ADGRA1: variants seen among roughly 807,000 people sequenced by gnomAD.
ADGRA1 encodes G-protein coupled receptor 123.
Under a neutral mutation model 21.3 loss-of-function variants are expected in ADGRA1, and 12 were observed. That is an observed-to-expected ratio of 0.56 (90% confidence interval 0.36 to 0.91). The LOEUF is 0.91. ADGRA1 is among the 40% of genes least tolerant of loss of function. ADGRA1 has a pLI of 0.01. For synonymous variants in ADGRA1, 385 were observed against 368.8 expected (o/e 1.04, Z -0.50); for missense variants, 790 against 805.6 (o/e 0.98, Z 0.23).
At chr10:133,124,697 C>A (rs1852341733) in intron 5 of ADGRA1, among the ~76,000 whole-genome samples, 1 of 152,246 alleles carries the variant, frequency 6.6e-6, no homozygotes, top group Non-Finnish European at 1.5e-5. Context: ...GGGCTTGGAG[C>A]CATAGGAGAG....
At chr10:133,090,340 A>AT (rs1851577855) in intron 2 of ADGRA1, among the ~76,000 whole-genome samples, 2 of 152,244 alleles carry the variant, frequency 1.3e-5, no homozygotes, top group Admixed American at 1.3e-4. Context: ...ACCCGGTCCC[A>AT]GCCGGCCTGG....
Position 133,088,135 on chromosome 10 carries a change from G to T in ADGRA1, c.-206G>T. 1 of 984,158 alleles carries T rather than the reference G, an allele frequency of 1.0e-6. No homozygotes were observed. Among genetic ancestry groups the T allele is most frequent in the South Asian group, 4.7e-5 (1 of 21,268 alleles). The allele number at this position is 984,158 out of a possible 1,614,324, so 61.0% of individuals were successfully genotyped here. A position where few individuals can be genotyped will look rare whatever the true frequency, so the allele number is the denominator to read the frequency against. On this transcript the variant is annotated 5_prime_UTR_variant, in exon 1 of 7. Transcript: ENST00000392607. ...CGCCCCGGCAGCCGCTTCGGCCACA[G>T]CAGGTGGGAAGGACGCGCGGGTCTG...
intron 2 of ADGRA1, among the ~76,000 whole-genome samples, chr10:133,096,067 C>T (rs1336337695): frequency 6.6e-6 from 1 of 152,226 alleles, no homozygotes; most frequent in Non-Finnish European, 1.5e-5. Flanking sequence ...GCCTGAGGTT[C>T]ATAACTAAAC....
chr10:133,088,036 C>A lies in ADGRA1; in HGVS notation c.-305C>A. 1 of 985,136 alleles carries A rather than the reference C, an allele frequency of 1.0e-6. No homozygotes were observed. Among genetic ancestry groups the A allele is most frequent in the African/African-American group, 1.7e-5 (1 of 57,308 alleles). The allele number at this position is 985,136 out of a possible 1,614,324, so 61.0% of individuals were successfully genotyped here. On this transcript the variant is annotated 5_prime_UTR_variant, in exon 1 of 7. In the 5' UTR this introduces an upstream ATG that the reference lacks. Transcript: ENST00000392607. ...TGATAACTCGGTCCCAGCTCGGCCGCTGCCCTCGCGAATGGAGAGCGGGTC... is the reference window on the plus strand; with the variant it reads ...TGATAACTCGGTCCCAGCTCGGCCGATGCCCTCGCGAATGGAGAGCGGGTC...
intron 5 of ADGRA1, among the ~76,000 whole-genome samples, chr10:133,112,906 T>C (rs1852083558): frequency 8.0e-6 from 1 of 125,158 alleles, no homozygotes; most frequent in African/African-American, 3.1e-5. Flanking sequence ...GTTCGGTTAT[T>C]TGGGGTCTGT....
At chr10:133,098,095 T>C (rs938067666) in intron 3 of ADGRA1, among the ~76,000 whole-genome samples, 2 of 152,162 alleles carry the variant, frequency 1.3e-5, no homozygotes, top group Non-Finnish European at 2.9e-5. Context: ...GTGGCCACCA[T>C]GCAGCCATAC....
rs566903775 is a variant in ADGRA1, at chr10:133,128,816, G to A, written c.988G>A (p.Ala330Thr). Residue 330 changes from alanine (A) to threonine (T), a missense_variant, in exon 7 of 7, where the codon GCA becomes ACA. Transcript: ENST00000392607. The stretch of plus-strand genomic sequence containing the variant: ...CCCGCCCCGCAAGGACGCCCACCCC[G>A]CACTTGACGCCAACGGGGCCGCGCT... Reference protein sequence around the residue: ...CCPPRKDAHPALDANGAALGR... With the variant: ...CCPPRKDAHPTLDANGAALGR... 8.0e-5 allele frequency: 129 copies of A among 1,604,872 alleles called. No individual in the cohort carries two copies. In the South Asian group the frequency reaches 8.9e-4, roughly 11 times the overall value.
intron 5 of ADGRA1, among the ~76,000 whole-genome samples, chr10:133,116,488 TG>T (rs946070682): frequency 6.8e-6 from 1 of 146,186 alleles, no homozygotes; most frequent in Non-Finnish European, 1.5e-5. Flanking sequence ...AGTCCCTGTC[TG>T]GGGGGCGTCC....
At chr10:133,095,589 G>A (rs931793945) in intron 2 of ADGRA1, 28 of 1,526,882 alleles carry the variant, frequency 1.8e-5, no homozygotes, top group Admixed American at 1.1e-4. Context: ...AGTGCTGTTC[G>A]AACCCTGGGG....
At chr10:133,116,275 T>C (rs1010208660) in intron 5 of ADGRA1, among the ~76,000 whole-genome samples, 3 of 152,110 alleles carry the variant, frequency 2.0e-5, no homozygotes, top group African/African-American at 7.2e-5. Context: ...GCCTGTGCCT[T>C]CGCCTATAAC....
In ADGRA1 at chr10:133,128,938, G is replaced by T; in HGVS notation, c.1110G>T (p.Ala370=). ...GPCKMTNLQA[A]QGHASCLSPA... is the part of the protein sequence containing the mutation. ...GCAAGATGACCAACCTGCAGGCCGC[G>T]CAGGGCCACGCCAGTTGCCTGTCAC... The change falls in exon 7 of 7, where the codon GCG becomes GCT. Residue 370 remains alanine, a synonymous_variant. Transcript: ENST00000392607. 1 of 1,555,892 alleles carries T rather than the reference G, an allele frequency of 6.4e-7. No individual in the cohort carries two copies. Among genetic ancestry groups the T allele is most frequent in the Middle Eastern group, 1.7e-4 (1 of 5,932 alleles).
At chr10:133,100,218 G>T (rs1419030307) in intron 4 of ADGRA1, among the ~76,000 whole-genome samples, 2 of 152,234 alleles carry the variant, frequency 1.3e-5, no homozygotes, top group Non-Finnish European at 2.9e-5. Flanking sequence ...AGGAGTCGCT[G>T]GCACGCACCT....
At chr10:133,115,448 G>A (rs4426067) in intron 5 of ADGRA1, among the ~76,000 whole-genome samples, 40,238 of 152,184 alleles carry the variant, frequency 0.26, 5,873 homozygotes, top group Non-Finnish European at 0.33. Flanking sequence ...CAGTCCTCAC[G>A]AGGCCACAGC....
chr10:133,128,792 C>T lies in ADGRA1; in HGVS notation c.964C>T (p.Pro322Ser). Reference sequence around the variant, plus strand: ...GTGGCAGTGCTGGTGGGCATGCTGCCCGCCCCGCAAGGACGCCCACCCCGC... The same window carrying T: ...GTGGCAGTGCTGGTGGGCATGCTGCTCGCCCCGCAAGGACGCCCACCCCGC... ...DVWQCWWACC[P>S]PRKDAHPALD... Residue 322 changes from proline (P) to serine (S), a missense_variant, in exon 7 of 7, where the codon CCG becomes TCG. By Grantham distance (74) the Pro-to-Ser change is moderately conservative. Transcript: ENST00000392607. 1 of 1,609,630 alleles carries T rather than the reference C, an allele frequency of 6.2e-7. No individual in the cohort carries two copies. The highest frequency in any genetic ancestry group is 2.2e-5 in the East Asian group (1 of 44,800).
rs1257859136 is a variant in ADGRA1, at chr10:133,103,786, G to A, written c.401+944G>A. ...CCGGAGCTCGCCAGGGAGCTCCAGCGCCTTTGGTGTTTCCTTTTCTGAACT... is the reference window on the plus strand; with the variant it reads ...CCGGAGCTCGCCAGGGAGCTCCAGCACCTTTGGTGTTTCCTTTTCTGAACT... On this transcript the variant is annotated intron_variant, in intron 5 of 6. Coordinates refer to ENST00000392607, the MANE Select transcript of ADGRA1 (RefSeq NM_001083909.3). 2.6e-5 allele frequency among the ~76,000 whole-genome samples: 4 copies of A among 152,232 alleles called. No homozygotes were observed. The South Asian group carries it at 6.2e-4, about 24-fold the overall frequency.
chr10:133,113,223 C>T (rs1437500558), intron 5 of ADGRA1, among the ~76,000 whole-genome samples: 1 of 141,446 alleles, frequency 7.1e-6, no homozygotes. Context: ...GTCTGCGGGC[C>T]GCGTCAGTTA....
chr10:133,130,840 TCACACA>T lies in ADGRA1; in HGVS notation c.*1333_*1338del, dbSNP rs777507396. On this transcript the variant is annotated 3_prime_UTR_variant, in exon 7 of 7. Transcript: ENST00000392607. ...GCACACACACCCAAACACGTGCATA[TCACACA>T]CACGCACACACACAAACACGTGCAT... 2 of 140,990 alleles carry T rather than the reference TCACACA, an allele frequency of 1.4e-5. No homozygotes were observed. The highest frequency in any genetic ancestry group is 4.8e-4 in the East Asian group (2 of 4,194). 8.7% of individuals were successfully genotyped at this position (140,990 alleles called of 1,614,324 possible). A position where few individuals can be genotyped will look rare whatever the true frequency, so the allele number is the denominator to read the frequency against.
At chr10:133,089,660 G>A (rs1240091487) in intron 2 of ADGRA1, among the ~76,000 whole-genome samples, 4 of 152,250 alleles carry the variant, frequency 2.6e-5, no homozygotes, top group Non-Finnish European at 4.4e-5. Flanking sequence ...ATGTGCGGCC[G>A]CCACAGACGC....
intron 5 of ADGRA1, among the ~76,000 whole-genome samples, chr10:133,111,590 CCACCA>C (rs1852007602): frequency 4.0e-5 from 1 of 25,256 alleles, no homozygotes; most frequent in Non-Finnish European, 6.4e-5. Flanking sequence ...GACAACCTGC[CCACCA>C]CGGACACCTC....
Sources: allele counts gnomAD v4.1 joint callset (sites outside exome capture counted in the v4.1 genomes callset), GRCh38; gene constraint gnomAD v4.1.1; transcripts MANE v1.5; gene names NCBI Gene and HGNC (gene_info 2026-07-23, HGNC 2026-07-21).